Variants in CDADC1 observed in about 807,000 individuals in gnomAD.
CDADC1 encodes the protein dCTP deaminase.
A neutral mutation model predicts 54.9 loss-of-function variants in CDADC1; 39 were observed. The observed-to-expected ratio is 0.71, with a 90% CI of 0.55 to 0.93. The LOEUF (loss-of-function observed/expected upper bound fraction) is 0.93. Ranked by LOEUF, CDADC1 falls within the 40% of genes least tolerant of loss-of-function variation. The pLI is 0.00. For synonymous variants in CDADC1, 186 were observed against 204.0 expected (o/e 0.91, Z 0.75); for missense variants, 518 against 618.8 (o/e 0.84, Z 1.73).
chr13:49,261,776 GC>G (rs1952693053), intron 4 of CDADC1, among the ~76,000 whole-genome samples: 2 of 152,206 alleles, frequency 1.3e-5, no homozygotes, highest in South Asian at 4.1e-4. Context: ...AGTCTTAATA[GC>G]CTCGGAGCCA....
intron 7 of CDADC1, among the ~76,000 whole-genome samples, chr13:49,279,653 C>A (rs1953258655): frequency 2.6e-5 from 4 of 152,162 alleles, no homozygotes; most frequent in Admixed American, 2.6e-4. Flanking sequence ...ATTGTTTGAA[C>A]AGACTAGATG....
chr13:49,267,815 G>A lies in CDADC1; in HGVS notation c.756G>A (p.Lys252=), dbSNP rs1314269217. The change falls in exon 5 of 10, where the codon AAG becomes AAA. Residue 252 remains lysine (K), a synonymous_variant. Transcript: ENST00000251108. ...LFLVSNEEMH[K]QILMTIGLEN... The stretch of plus-strand genomic sequence containing the variant: ...TGGTTTCAAATGAAGAAATGCATAA[G>A]CAAATACTGATGACTATAGGTTTGG... 6.2e-7 allele frequency: 1 copy of A among 1,613,072 alleles called. No homozygotes were observed. Among genetic ancestry groups the A allele is most frequent in the East Asian group, 2.2e-5 (1 of 44,886 alleles).
chr13:49,278,765 A>G (rs1279562770), intron 7 of CDADC1, among the ~76,000 whole-genome samples: 1 of 152,082 alleles, frequency 6.6e-6, no homozygotes, highest in African/African-American at 2.4e-5. Flanking sequence ...TCTCTCCAAT[A>G]TGAAACTGCT....
intron 9 of CDADC1, among the ~76,000 whole-genome samples, chr13:49,290,573 G>T (rs1456371810): frequency 3.3e-5 from 5 of 152,180 alleles, no homozygotes; most frequent in African/African-American, 1.2e-4. Context: ...CAGGCTCAGG[G>T]CAGGAAATCC....
At chr13:49,270,858 T>C (rs983951743) in intron 5 of CDADC1, among the ~76,000 whole-genome samples, 2 of 152,214 alleles carry the variant, frequency 1.3e-5, no homozygotes, top group African/African-American at 4.8e-5. Flanking sequence ...TCATTTAACA[T>C]TGAGGGTACT....
intron 7 of CDADC1, among the ~76,000 whole-genome samples, chr13:49,279,759 G>A (rs1329509544): frequency 6.6e-6 from 1 of 152,150 alleles, no homozygotes; most frequent in African/African-American, 2.4e-5. Flanking sequence ...ATTGAAGATG[G>A]CTGGCTGAGA....
intron 6 of CDADC1, 56 bp from the exon 7 acceptor site, chr13:49,278,294 T>G (rs2274149): frequency 0.67 from 870,136 of 1,290,710 alleles, 297,235 homozygotes; most frequent in South Asian, 0.77. Flanking sequence ...AAAAATACAT[T>G]GCAAAGTGTC....
chr13:49,250,827 G>A (rs973079318), intron 2 of CDADC1, among the ~76,000 whole-genome samples: 1 of 152,128 alleles, frequency 6.6e-6, no homozygotes, highest in Non-Finnish European at 1.5e-5. Context: ...TTTATAGATA[G>A]TAAAACATTA....
intron 2 of CDADC1, among the ~76,000 whole-genome samples, chr13:49,250,219 C>A (rs75416097): frequency 6.6e-6 from 1 of 152,232 alleles, no homozygotes; most frequent in African/African-American, 2.4e-5. Context: ...TTAGATTTTC[C>A]AGAGAAAGAC....
At chr13:49,250,708 A>G (rs902545295) in intron 2 of CDADC1, among the ~76,000 whole-genome samples, 16 of 152,220 alleles carry the variant, frequency 1.1e-4, no homozygotes, top group African/African-American at 2.9e-4. Flanking sequence ...TATCTTATCA[A>G]TATAGGAATT....
chr13:49,286,980 C>G (rs1953530641), intron 9 of CDADC1, among the ~76,000 whole-genome samples: 1 of 152,200 alleles, frequency 6.6e-6, no homozygotes, highest in Admixed American at 6.5e-5. Context: ...CACTTGAAAT[C>G]AGGAGTTCGA....
Position 49,278,481 on chromosome 13 carries a change from A to G in CDADC1, c.1182A>G (p.Arg394=), listed in dbSNP as rs139624928. The change falls in exon 7 of 10, where the codon AGA becomes AGG. Residue 394 remains arginine, a synonymous_variant. Transcript: ENST00000251108. ...KQKDREIRKF[R]YIIHAEQNAL... ...AAGACAGAGAAATAAGGAAATTCAGATACATCATACATGCGGAACAGAATG... is the reference window on the plus strand; with the variant it reads ...AAGACAGAGAAATAAGGAAATTCAGGTACATCATACATGCGGAACAGAATG... The G allele has an allele frequency of 4.0e-4, 633 of 1,589,558 alleles. 2 individuals carry two copies. The African/African-American group carries it at 7.0e-3, about 18-fold the overall frequency.
intron 6 of CDADC1, among the ~76,000 whole-genome samples, chr13:49,274,794 C>A (rs1218198789): frequency 6.6e-6 from 1 of 152,222 alleles, no homozygotes; most frequent in African/African-American, 2.4e-5. Context: ...TAAACACTCT[C>A]TACAGGTTAG....
chr13:49,249,033 G>C (rs974585136), intron 2 of CDADC1, 68 bp downstream of exon 2: 3 of 985,766 alleles, frequency 3.0e-6, no homozygotes, highest in Admixed American at 1.8e-5. Flanking sequence ...TATTGCTCCA[G>C]TTTCTGTCAT....
intron 6 of CDADC1, among the ~76,000 whole-genome samples, chr13:49,275,724 TATAGAGAGAGAGAGAG>T (rs1566370134): frequency 3.9e-4 from 6 of 15,462 alleles, no homozygotes; most frequent in South Asian, 3.4e-3. Flanking sequence ...TATATATATA[TATAGAGAGAGAGAGAG>T]AGAGAGAGAG....
At chr13:49,269,128 T>C (rs771461474) in intron 5 of CDADC1, among the ~76,000 whole-genome samples, 28 of 152,118 alleles carry the variant, frequency 1.8e-4, no homozygotes, top group Non-Finnish European at 3.5e-4. Context: ...ATTTAAAAAT[T>C]ATCCCAAGAA....
At chr13:49,278,984 C>T (rs1300906233) in intron 7 of CDADC1, among the ~76,000 whole-genome samples, 6 of 152,160 alleles carry the variant, frequency 3.9e-5, no homozygotes, top group Non-Finnish European at 7.3e-5. Context: ...ATTGTAACAT[C>T]ACACGTTACC....
At chr13:49,269,198 G>A (rs2138224765) in intron 5 of CDADC1, among the ~76,000 whole-genome samples, 1 of 152,286 alleles carries the variant, frequency 6.6e-6, no homozygotes, top group Middle Eastern at 3.4e-3. Flanking sequence ...GTAGTCAACA[G>A]AAGGGAGGTT....
chr13:49,286,328 G>GAT (rs1413879801), intron 9 of CDADC1, 46 bp downstream of exon 9: 1 of 1,314,818 alleles, frequency 7.6e-7, no homozygotes, highest in African/African-American at 1.5e-5. Flanking sequence ...GAGGAGAAAG[G>GAT]ATATACAGTG....
Sources: allele counts gnomAD v4.1 joint callset (sites outside exome capture counted in the v4.1 genomes callset), GRCh38; gene constraint gnomAD v4.1.1; transcripts MANE v1.5; gene names NCBI Gene and HGNC (gene_info 2026-07-23, HGNC 2026-07-21).